Variants in ARHGEF18 observed in about 807,000 individuals in gnomAD.
The protein encoded by ARHGEF18 is rho guanine nucleotide exchange factor 18.
In ARHGEF18, 93 loss-of-function variants were observed where a neutral mutation model predicts 155.7. That is an observed-to-expected ratio of 0.60 (90% CI 0.50 to 0.71). The LOEUF is 0.71. ARHGEF18 is among the 30% of genes least tolerant of loss of function. The probability of loss-of-function intolerance (pLI) is 0.00; values close to 1 mark genes in which losing one functional copy is unlikely to be tolerated. For missense variants in ARHGEF18, 1,593 were observed against 1,816.1 expected (o/e 0.88, Z 2.23); for synonymous variants, 742 against 753.1 (o/e 0.99, Z 0.24).
intron 1 of ARHGEF18, among the ~76,000 whole-genome samples, chr19:7,352,336 G>A (rs947548561): frequency 4.0e-5 from 6 of 150,702 alleles, no homozygotes; most frequent in Non-Finnish European, 8.9e-5. Context: ...GTCTTTTAGG[G>A]GTGGCAATCA....
At chr19:7,448,553 C>T (rs934979789) in intron 15 of ARHGEF18, among the ~76,000 whole-genome samples, 16 of 151,774 alleles carry the variant, frequency 1.1e-4, no homozygotes, top group Non-Finnish European at 2.1e-4. Flanking sequence ...CCCAGCTACT[C>T]GGGAGGCTGA....
intron 2 of ARHGEF18, among the ~76,000 whole-genome samples, chr19:7,367,191 G>GA (rs1363589403): frequency 6.6e-6 from 1 of 152,166 alleles, no homozygotes; most frequent in Non-Finnish European, 1.5e-5. Context: ...TTTAGAGATG[G>GA]AAAAAACTGA....
chr19:7,406,444 A>G (rs1416821898), intron 10 of ARHGEF18, among the ~76,000 whole-genome samples: 1 of 152,176 alleles, frequency 6.6e-6, no homozygotes, highest in Non-Finnish European at 1.5e-5. Flanking sequence ...ATTTGCCAAA[A>G]CGTATGAGTA....
chr19:7,423,659 C>T (rs1188482782), intron 10 of ARHGEF18, among the ~76,000 whole-genome samples: 3 of 150,756 alleles, frequency 2.0e-5, no homozygotes, highest in African/African-American at 7.3e-5. Context: ...GAGCCGAGAT[C>T]GCGCCACTGC....
intron 14 of ARHGEF18, among the ~76,000 whole-genome samples, chr19:7,445,342 G>A (rs531026228): frequency 5.7e-4 from 87 of 152,280 alleles, no homozygotes; most frequent in Admixed American, 5.5e-3. Context: ...CAGCTACTCA[G>A]GAGGCTGAGG....
At chr19:7,467,710 C>T (rs1976745961) in intron 26 of ARHGEF18, 26 bp downstream of exon 26, 2 of 1,458,354 alleles carry the variant, frequency 1.4e-6, no homozygotes, top group Non-Finnish European at 1.8e-6. Context: ...CCAGTGTGCG[C>T]AGGTTGGGGG....
At chr19:7,423,850 AC>A (rs1418985261) in intron 10 of ARHGEF18, among the ~76,000 whole-genome samples, 1 of 152,024 alleles carries the variant, frequency 6.6e-6, no homozygotes, top group Non-Finnish European at 1.5e-5. Context: ...GGGAAAGGAA[AC>A]AGAGGAAGTC....
intron 8 of ARHGEF18, among the ~76,000 whole-genome samples, chr19:7,381,514 C>T (rs2145444571): frequency 6.6e-6 from 1 of 151,986 alleles, no homozygotes; most frequent in Non-Finnish European, 1.5e-5. Context: ...CCAATCTCTA[C>T]TAAAAATACA....
Position 7,395,270 on chromosome 19 carries a change from C to G in ARHGEF18, c.967+12067C>G. The G allele has an allele frequency of 1.0e-6, 1 of 986,014 alleles. No homozygotes were observed. Among genetic ancestry groups the G allele is most frequent in the Non-Finnish European group, 1.2e-6 (1 of 830,440 alleles). 61.1% of individuals were successfully genotyped at this position (986,014 alleles called of 1,614,324 possible). ...GAGGTGAGGACGGCGGCGGGGCGGT[C>G]CCGAGGAAAACGGGGCTCAGGAGGG... On this transcript the variant is annotated intron_variant, in intron 10 of 28. Coordinates refer to ENST00000668164, the MANE Select transcript of ARHGEF18 (RefSeq NM_001367823.1). This position sits in a 1 kb window ranked among gnomAD's most constrained non-coding sequence, Gnocchi z 5.0.
rs1278315775 is a variant in ARHGEF18, at chr19:7,467,550, T to C, written c.3346T>C (p.Tyr1116His). Reference sequence around the variant, plus strand: ...CGAGCTGGAGCGCCAGCGCCAGGCCTACCAGCACGACCTGGAGCGGCTGCG... The same window carrying C: ...CGAGCTGGAGCGCCAGCGCCAGGCCCACCAGCACGACCTGGAGCGGCTGCG... ...RAELERQRQA[Y>H]QHDLERLREA... Residue 1116 changes from tyrosine (Y) to histidine (H), a missense_variant, in exon 26 of 29, where the codon TAC (tyrosine) becomes CAC (histidine). Transcript: ENST00000668164. The C allele has an allele frequency of 2.6e-5, 38 of 1,477,294 alleles. No individual in the cohort carries two copies. The highest frequency in any genetic ancestry group is 3.1e-5 in the Non-Finnish European group (35 of 1,123,586). The allele number at this position is 1,477,294 out of a possible 1,614,324, so 91.5% of individuals were successfully genotyped here. A position where few individuals can be genotyped will look rare whatever the true frequency, so the allele number is the denominator to read the frequency against.
At chr19:7,421,109 T>G (rs1014824493) in intron 10 of ARHGEF18, among the ~76,000 whole-genome samples, 4 of 148,098 alleles carry the variant, frequency 2.7e-5, no homozygotes, top group African/African-American at 7.6e-5. Flanking sequence ...TTTTGTATTT[T>G]TTGTAGGGAT....
chr19:7,478,176 A>G, the ARHGEF18 span: 1 of 885,906 alleles, frequency 1.1e-6, no homozygotes, highest in Non-Finnish European at 1.7e-6. Context: ...ACCGCCACCC[A>G]CCAGAGGCTG....
At chr19:7,397,743 A>AG (rs1302734228) in intron 10 of ARHGEF18, among the ~76,000 whole-genome samples, 11 of 152,088 alleles carry the variant, frequency 7.2e-5, no homozygotes, top group African/African-American at 2.4e-4. Flanking sequence ...AAAAAAAAAA[A>AG]AAAATTTTTT....
At chr19:7,429,930 CTT>C (rs899823220) in intron 10 of ARHGEF18, among the ~76,000 whole-genome samples, 1 of 144,562 alleles carries the variant, frequency 6.9e-6, no homozygotes. Context: ...CCTGGAAGTA[CTT>C]TTTTTTTTTA....
chr19:7,410,971 G>A (rs1199218801), intron 10 of ARHGEF18, among the ~76,000 whole-genome samples: 2 of 151,998 alleles, frequency 1.3e-5, no homozygotes, highest in East Asian at 3.9e-4. Context: ...TCAGCATCTG[G>A]CCTGTACCCA....
rs950927609 is a variant in ARHGEF18, at chr19:7,440,670, G to T, written c.1106+188G>T. Among the ~76,000 whole-genome samples the T allele has an allele frequency of 2.0e-5, 3 of 152,152 alleles. No individual in the cohort carries two copies. The highest frequency in any genetic ancestry group is 4.4e-5 in the Non-Finnish European group (3 of 68,028). ...CACGCCTTTTTTGCAAAAACGATGT[G>T]TCCCGGGGTGTATTCGGCCCCTGGT... On this transcript the variant is annotated intron_variant, in intron 11 of 28. Transcript: ENST00000668164. This position sits in a 1 kb window ranked among gnomAD's most constrained non-coding sequence, Gnocchi z 5.4.
At chr19:7,357,380 T>A (rs1478257793) in intron 1 of ARHGEF18, among the ~76,000 whole-genome samples, 1 of 152,216 alleles carries the variant, frequency 6.6e-6, no homozygotes, top group Non-Finnish European at 1.5e-5. Context: ...CCCAGGCAGT[T>A]GAGGCTGGGA....
intron 10 of ARHGEF18, among the ~76,000 whole-genome samples, chr19:7,437,930 A>G (rs1208477001): frequency 6.6e-6 from 1 of 151,832 alleles, no homozygotes; most frequent in East Asian, 1.9e-4. Flanking sequence ...GGCATGAGCC[A>G]CTGCACCTGA....
rs542347017 is a variant in ARHGEF18 at position 7,469,253 on chromosome 19, G to T, written c.3787+122G>T. On this transcript the variant is annotated intron_variant, in intron 27 of 28. Coordinates refer to ENST00000668164, the MANE Select transcript of ARHGEF18 (RefSeq NM_001367823.1). ...ATCCTCTGGAGAGGAAAACCAGAAG[G>T]CACAGCTGGCATCGTGGCTGAGGCC... The T allele has an allele frequency of 2.4e-6, 3 of 1,245,932 alleles. No homozygotes were observed. The South Asian group carries it at 4.7e-5, about 19-fold the overall frequency. The allele number at this position is 1,245,932 out of a possible 1,614,324, so 77.2% of individuals were successfully genotyped here. A position where few individuals can be genotyped will look rare whatever the true frequency, so the allele number is the denominator to read the frequency against.
Sources: gnomAD v4.1 joint callset for allele counts (sites outside exome capture counted in the v4.1 genomes callset) on GRCh38, gnomAD v4.1.1 for gene constraint, Gnocchi (gnomAD v3.1) non-coding constraint, MANE v1.5 for transcripts, NCBI Gene and HGNC (gene_info 2026-07-23, HGNC 2026-07-21) for gene names.